The following SLC24A2 variants were observed in gnomAD, a reference collection of about 807,000 sequenced individuals.
SLC24A2 encodes solute carrier family 24 member 2, also known as sodium/potassium/calcium exchanger 2.
In SLC24A2, 36 loss-of-function variants were observed where a neutral mutation model predicts 62.0. That is an observed-to-expected ratio of 0.58 (90% CI 0.44 to 0.77). SLC24A2 has a LOEUF of 0.77. Ranked by LOEUF, SLC24A2 falls within the 30% of genes least tolerant of loss-of-function variation. SLC24A2 has a pLI of 0.00. For missense variants in SLC24A2, 846 were observed against 817.9 expected (o/e 1.03, Z -0.42); for synonymous variants, 358 against 294.0 (o/e 1.22, Z -2.23).
At chr9:20,138,220 T>C in the SLC24A2 span, among the ~76,000 whole-genome samples, 1 of 152,214 alleles carries the variant, frequency 6.6e-6, no homozygotes, top group South Asian at 2.1e-4. Flanking sequence ...ATTTAGGATT[T>C]CCCAGGTATC....
At chr9:20,116,556 C>T in the SLC24A2 span, among the ~76,000 whole-genome samples, 51 of 152,292 alleles carry the variant, frequency 3.3e-4, no homozygotes, top group South Asian at 9.1e-3. Flanking sequence ...AATTCTTTCT[C>T]AGCACCTACC....
At chr9:19,553,267 A>C (rs1035912942) in intron 7 of SLC24A2, among the ~76,000 whole-genome samples, 3 of 152,178 alleles carry the variant, frequency 2.0e-5, no homozygotes, top group African/African-American at 7.2e-5. Context: ...TGGATGCTCC[A>C]GGGGAGAGGC....
At chr9:19,837,202 C>T in the SLC24A2 span, among the ~76,000 whole-genome samples, 1 of 151,828 alleles carries the variant, frequency 6.6e-6, no homozygotes, top group Non-Finnish European at 1.5e-5. Context: ...CCTGTAATCC[C>T]AGCACTTTGG....
At chr9:19,528,899 CTT>C (rs1282960822) in intron 8 of SLC24A2, among the ~76,000 whole-genome samples, 4 of 152,142 alleles carry the variant, frequency 2.6e-5, no homozygotes, top group African/African-American at 7.2e-5. Context: ...TAGAAGTAGA[CTT>C]TATGCTATCT....
chr9:20,063,867 T>G, the SLC24A2 span, among the ~76,000 whole-genome samples: 1 of 152,154 alleles, frequency 6.6e-6, no homozygotes, highest in Non-Finnish European at 1.5e-5. Flanking sequence ...GGTATCCTTA[T>G]CAATTACTTG....
At chr9:20,169,065 T>A in the SLC24A2 span, among the ~76,000 whole-genome samples, 2 of 151,956 alleles carry the variant, frequency 1.3e-5, no homozygotes, top group African/African-American at 4.8e-5. Context: ...TAGGTGGGCA[T>A]TGAAAATATA....
the SLC24A2 span, among the ~76,000 whole-genome samples, chr9:20,200,261 GCCAAA>G: frequency 6.6e-6 from 1 of 152,268 alleles, no homozygotes; most frequent in East Asian, 1.9e-4. Flanking sequence ...TATTTCCAGT[GCCAAA>G]CACTGCGGGA....
the SLC24A2 span, among the ~76,000 whole-genome samples, chr9:20,013,993 G>C: frequency 1.3e-5 from 2 of 152,180 alleles, no homozygotes; most frequent in Admixed American, 6.5e-5. Flanking sequence ...AGAATCACTT[G>C]AGCTCAGGAG....
At chr9:19,609,525 T>G (rs773349025) in intron 4 of SLC24A2, among the ~76,000 whole-genome samples, 7 of 152,236 alleles carry the variant, frequency 4.6e-5, no homozygotes, top group Non-Finnish European at 8.8e-5. Flanking sequence ...TAGAGTTTAA[T>G]TTGGAGAGAA....
At position 19,592,533 on chromosome 9, in the gene SLC24A2, CCTACCTACCTAT is replaced by C. The variant is rs1186283213; in HGVS notation, c.1129+4684_1129+4695del. On this transcript the variant is annotated intron_variant, in intron 5 of 10. Transcript: ENST00000341998. The stretch of plus-strand genomic sequence containing the variant: ...ACCTACCTACCTACCTACCTACCTA[CCTACCTACCTAT>C]CTACCTATCTACCTACATGTCTCTG... Among the ~76,000 whole-genome samples, 5 of 123,848 alleles carry C rather than the reference CCTACCTACCTAT, an allele frequency of 4.0e-5. No homozygotes were observed. In the East Asian group the frequency reaches 6.2e-4, roughly 15 times the overall value. 81.2% of individuals were successfully genotyped at this position (123,848 alleles called of 152,430 possible).
chr9:19,594,477 AAACCAACC>A (rs551578266), intron 5 of SLC24A2, among the ~76,000 whole-genome samples: 1 of 152,164 alleles, frequency 6.6e-6, no homozygotes, highest in Non-Finnish European at 1.5e-5. Context: ...AAACAAAACA[AAACCAACC>A]AACCAACCAA....
At chr9:20,291,558 C>A in the SLC24A2 span, among the ~76,000 whole-genome samples, 1 of 152,090 alleles carries the variant, frequency 6.6e-6, no homozygotes. Context: ...AGGCTCTGAC[C>A]CTGACTCCCT....
intron 2 of SLC24A2, among the ~76,000 whole-genome samples, chr9:19,716,306 T>G (rs1820858267): frequency 6.6e-6 from 1 of 152,242 alleles, no homozygotes; most frequent in Non-Finnish European, 1.5e-5. Context: ...TATTGATGAA[T>G]GCATTTTATC....
intron 2 of SLC24A2, among the ~76,000 whole-genome samples, chr9:19,758,460 A>G (rs1051254230): frequency 6.6e-6 from 1 of 152,200 alleles, no homozygotes; most frequent in Non-Finnish European, 1.5e-5. Context: ...GGGATCAGAA[A>G]GTTTTCTAAT....
chr9:19,814,284 G>T, the SLC24A2 span, among the ~76,000 whole-genome samples: 2 of 152,146 alleles, frequency 1.3e-5, no homozygotes, highest in African/African-American at 4.8e-5. Flanking sequence ...GAGCCTGGAT[G>T]TTGGGGTAAG....
At chr9:19,951,814 G>A in the SLC24A2 span, among the ~76,000 whole-genome samples, 2 of 151,862 alleles carry the variant, frequency 1.3e-5, no homozygotes, top group Non-Finnish European at 1.5e-5. Flanking sequence ...GATTATTCTC[G>A]TTCCTTTACC....
intron 2 of SLC24A2, among the ~76,000 whole-genome samples, chr9:19,772,511 CTG>C (rs1822720308): frequency 6.6e-6 from 1 of 152,082 alleles, no homozygotes; most frequent in Admixed American, 6.6e-5. Context: ...ATAAGGAACT[CTG>C]AAACTCAATA....
the SLC24A2 span, among the ~76,000 whole-genome samples, chr9:20,077,046 GA>G: frequency 2.7e-5 from 4 of 149,782 alleles, no homozygotes; most frequent in East Asian, 2.0e-4. Context: ...ACCAGACACA[GA>G]AAAAAAAATT....
At chr9:19,600,463 G>A (rs1479547150) in intron 4 of SLC24A2, among the ~76,000 whole-genome samples, 7 of 152,196 alleles carry the variant, frequency 4.6e-5, no homozygotes, top group African/African-American at 1.7e-4. Context: ...GACAGATCTC[G>A]ATTATGGAAA....
Sources: gnomAD v4.1 joint callset for allele counts (sites outside exome capture counted in the v4.1 genomes callset) on GRCh38, gnomAD v4.1.1 for gene constraint, MANE v1.5 for transcripts, NCBI Gene and HGNC (gene_info 2026-07-23, HGNC 2026-07-21) for gene names.